Variants in KCNN3 observed in about 807,000 individuals in gnomAD.
KCNN3 encodes small conductance calcium-activated potassium channel protein 3.
A neutral mutation model predicts 62.9 loss-of-function variants in KCNN3; 16 were observed. The observed-to-expected ratio is 0.25, with a 90% CI of 0.17 to 0.39. The LOEUF is 0.39. KCNN3 is among the 10% of genes least tolerant of loss of function. The pLI, the probability that KCNN3 is intolerant of heterozygous loss-of-function variation, is 1.00. For missense variants in KCNN3, 599 were observed against 949.4 expected (o/e 0.63, Z 4.85); for synonymous variants, 370 against 389.2 (o/e 0.95, Z 0.58).
At chr1:154,714,409 GT>G (rs1700173192) in intron 6 of KCNN3, among the ~76,000 whole-genome samples, 2 of 104,100 alleles carry the variant, frequency 1.9e-5, no homozygotes, top group East Asian at 2.6e-4. Context: ...TGGTGTTTGT[GT>G]GTGGTGTGTG....
intron 1 of KCNN3, among the ~76,000 whole-genome samples, chr1:154,830,553 G>A (rs764414416): frequency 2.6e-4 from 39 of 152,342 alleles, no homozygotes; most frequent in Middle Eastern, 6.8e-3. Flanking sequence ...GGCCCGGCAC[G>A]GGGAAACTAG....
chr1:154,803,262 G>T (rs1339050363), intron 2 of KCNN3, among the ~76,000 whole-genome samples: 1 of 152,200 alleles, frequency 6.6e-6, no homozygotes, highest in South Asian at 2.1e-4. Context: ...GCACAGGGAT[G>T]GGTTAGCAAG....
chr1:154,757,733 G>A (rs1162056159), intron 3 of KCNN3, among the ~76,000 whole-genome samples: 1 of 152,214 alleles, frequency 6.6e-6, no homozygotes, highest in African/African-American at 2.4e-5. Flanking sequence ...GATGACCAGG[G>A]GAGGAGAGTG....
At chr1:154,785,200 C>T (rs111421256) in intron 2 of KCNN3, among the ~76,000 whole-genome samples, 1 of 152,206 alleles carries the variant, frequency 6.6e-6, no homozygotes, top group Non-Finnish European at 1.5e-5. Flanking sequence ...AGGGGAGGAA[C>T]AGCATCATCA....
At chr1:154,776,593 G>A (rs1035779927) in intron 2 of KCNN3, among the ~76,000 whole-genome samples, 7 of 152,224 alleles carry the variant, frequency 4.6e-5, no homozygotes, top group African/African-American at 7.2e-5. Flanking sequence ...TCTGACCCTT[G>A]GAATCACAGC....
At chr1:154,785,494 C>T (rs1476341104) in intron 2 of KCNN3, among the ~76,000 whole-genome samples, 1 of 148,882 alleles carries the variant, frequency 6.7e-6, no homozygotes, top group Non-Finnish European at 1.5e-5. Flanking sequence ...CTCCCAGTGG[C>T]GGGGGCAGCA....
intron 3 of KCNN3, chr1:154,736,952 G>A: frequency 1.4e-6 from 1 of 692,944 alleles, no homozygotes; most frequent in Non-Finnish European, 2.6e-6. Flanking sequence ...TCTGGTGGGG[G>A]CTACGGAAGA....
chr1:154,813,187 G>A (rs1650501810), intron 2 of KCNN3, among the ~76,000 whole-genome samples: 1 of 151,742 alleles, frequency 6.6e-6, no homozygotes, highest in African/African-American at 2.4e-5. Context: ...GAGCCCCTTG[G>A]GCAGGGCAGT....
intron 3 of KCNN3, among the ~76,000 whole-genome samples, chr1:154,735,248 A>G (rs1000697235): frequency 2.6e-5 from 4 of 152,028 alleles, no homozygotes; most frequent in South Asian, 2.1e-4. Flanking sequence ...AGCCTTTCTC[A>G]CCCACCGGAG....
chr1:154,728,983 G>A (rs1700533471), intron 4 of KCNN3, among the ~76,000 whole-genome samples: 1 of 152,194 alleles, frequency 6.6e-6, no homozygotes, highest in Non-Finnish European at 1.5e-5. Flanking sequence ...GTCCCCTTTG[G>A]GATGCTGGGC....
intron 1 of KCNN3, among the ~76,000 whole-genome samples, chr1:154,840,688 C>A (rs1001432648): frequency 6.6e-6 from 1 of 152,210 alleles, no homozygotes; most frequent in Non-Finnish European, 1.5e-5. Flanking sequence ...ACAGCAGAGC[C>A]ATTTCCTTCC....
At chr1:154,846,079 G>A (rs776299354) in intron 1 of KCNN3, among the ~76,000 whole-genome samples, 3 of 152,172 alleles carry the variant, frequency 2.0e-5, no homozygotes, top group Non-Finnish European at 2.9e-5. Flanking sequence ...AGCTGGCAGC[G>A]GCTGCCCTGG....
Position 154,826,068 on chromosome 1 carries a change from C to A in KCNN3, c.934-3884G>T, listed in dbSNP as rs202067613. ...TCTTAAAAAAAAACAAAAACAAAAACAAAAACAAAAACAAAAACAAAAAAA... is the reference window on the plus strand; with the variant it reads ...TCTTAAAAAAAAACAAAAACAAAAAAAAAAACAAAAACAAAAACAAAAAAA... On this transcript the variant is annotated intron_variant, in intron 1 of 7. Coordinates refer to ENST00000271915, the MANE Select transcript of KCNN3 (RefSeq NM_002249.6). 8.7e-3 allele frequency among the ~76,000 whole-genome samples: 386 copies of A among 44,204 alleles called. 4 individuals carry two copies. The highest frequency in any genetic ancestry group is 0.024 in the African/African-American group (218 of 9,026). The allele number at this position is 44,204 out of a possible 152,430, so 29.0% of individuals were successfully genotyped here.
In KCNN3 at chr1:154,702,718, T is replaced by C. The variant is rs1355372994; in HGVS notation, c.*5258A>G. ...TGATTCAGATATATATATATATATA[T>C]ATATATATATATATATATATATATA... On this transcript the variant is annotated 3_prime_UTR_variant, in exon 8 of 8. Transcript: ENST00000271915. 9.5e-6 allele frequency: 1 copy of C among 105,510 alleles called. No homozygotes were observed. Among genetic ancestry groups the C allele is most frequent in the South Asian group, 3.0e-4 (1 of 3,360 alleles). The allele number at this position is 105,510 out of a possible 1,614,324, so 6.5% of individuals were successfully genotyped here.
At chr1:154,761,488 T>G (rs542504120) in intron 3 of KCNN3, among the ~76,000 whole-genome samples, 6 of 151,854 alleles carry the variant, frequency 4.0e-5, no homozygotes, top group Non-Finnish European at 5.9e-5. Context: ...AAATATTACA[T>G]GTAACACAAA....
chr1:154,861,162 C>T (rs1652755934), intron 1 of KCNN3, among the ~76,000 whole-genome samples: 1 of 151,978 alleles, frequency 6.6e-6, no homozygotes, highest in Non-Finnish European at 1.5e-5. Context: ...GCCATGTTGG[C>T]CAGGCTGGTC....
At chr1:154,825,844 C>A (rs1456763390) in intron 1 of KCNN3, among the ~76,000 whole-genome samples, 1 of 151,164 alleles carries the variant, frequency 6.6e-6, no homozygotes, top group Non-Finnish European at 1.5e-5. Context: ...GTCAGGAGAT[C>A]GAGACCATCC....
chr1:154,715,160 G>A (rs1000847777), intron 5 of KCNN3, among the ~76,000 whole-genome samples, 157 bp from the exon 6 acceptor site: 1 of 152,056 alleles, frequency 6.6e-6, no homozygotes, highest in Admixed American at 6.6e-5. Flanking sequence ...GATTAAGGCC[G>A]GGCACGGTGG....
At chr1:154,737,270 T>C (rs1357169887) in intron 3 of KCNN3, among the ~76,000 whole-genome samples, 1 of 152,196 alleles carries the variant, frequency 6.6e-6, no homozygotes, top group Non-Finnish European at 1.5e-5. Flanking sequence ...TAATTTTTCT[T>C]TGAGCTCAAG....
Sources: allele counts gnomAD v4.1 joint callset (sites outside exome capture counted in the v4.1 genomes callset), GRCh38; gene constraint gnomAD v4.1.1; transcripts MANE v1.5; gene names NCBI Gene and HGNC (gene_info 2026-07-23, HGNC 2026-07-21).